PPP2R3A: variants seen among roughly 807,000 people sequenced by gnomAD.
The protein encoded by PPP2R3A is serine/threonine-protein phosphatase 2A regulatory subunit B'' subunit alpha.
PPP2R3A carries 80 observed loss-of-function variants against 106.9 expected under a neutral mutation model. The observed-to-expected ratio is 0.75, with a 90% CI of 0.62 to 0.90. The LOEUF (loss-of-function observed/expected upper bound fraction) is 0.90. PPP2R3A is among the 40% of genes least tolerant of loss of function. PPP2R3A has a pLI of 0.00. For missense variants in PPP2R3A, 1,386 were observed against 1,350.4 expected, an observed-to-expected ratio of 1.03 and a Z score of -0.41; for synonymous variants, 483 against 468.3, an observed-to-expected ratio of 1.03 and a Z score of -0.41.
rs1435791865 is a variant in PPP2R3A at position 136,078,399 on chromosome 3, A to G, written c.2577A>G (p.Arg859=). Residue 859 remains arginine, a synonymous_variant, in exon 7 of 14, where the codon AGA becomes AGG. Coordinates refer to ENST00000264977, the MANE Select transcript of PPP2R3A (RefSeq NM_002718.5). The part of the protein sequence containing the change: ...VIQRIFYTVN[R]SWSGKITSTE... ...AGAGAATATTCTACACAGTCAACAG[A>G]TCTTGGAGTGGAAAAATTACTTCGA... The G allele has an allele frequency of 6.2e-7, 1 of 1,610,914 alleles. No individual in the cohort carries two copies. The highest frequency in any genetic ancestry group is 8.5e-7 in the Non-Finnish European group (1 of 1,177,908).
At chr3:136,142,012 A>C (rs988433571) in intron 13 of PPP2R3A, among the ~76,000 whole-genome samples, 4 of 152,176 alleles carry the variant, frequency 2.6e-5, no homozygotes, top group African/African-American at 9.7e-5. Flanking sequence ...TGCTGTTCTG[A>C]AAGAGCCATC....
chr3:136,144,883 G>C (rs1939046091), intron 13 of PPP2R3A, among the ~76,000 whole-genome samples, 160 bp from the exon 14 acceptor site: 1 of 152,174 alleles, frequency 6.6e-6, no homozygotes, highest in Non-Finnish European at 1.5e-5. Context: ...TTCTGCTCTA[G>C]AGTGTTGCCT....
chr3:136,006,222 AT>A (rs1456106310), intron 2 of PPP2R3A, among the ~76,000 whole-genome samples: 1 of 152,232 alleles, frequency 6.6e-6, no homozygotes, highest in Non-Finnish European at 1.5e-5. Flanking sequence ...ACAGAATATA[AT>A]AAAATTTGAT....
chr3:136,132,160 T>C (rs1378284368), intron 13 of PPP2R3A, among the ~76,000 whole-genome samples: 1 of 151,256 alleles, frequency 6.6e-6, no homozygotes, highest in African/African-American at 2.4e-5. Context: ...ACTTTAAGTA[T>C]AATAAAAAAA....
At chr3:136,033,773 CTT>C (rs1553745822) in intron 3 of PPP2R3A, among the ~76,000 whole-genome samples, 1 of 151,984 alleles carries the variant, frequency 6.6e-6, no homozygotes, top group Non-Finnish European at 1.5e-5. Flanking sequence ...GATTTTCTCT[CTT>C]CTTTTCTTAG....
intron 1 of PPP2R3A, among the ~76,000 whole-genome samples, chr3:135,973,226 A>G (rs1487057965): frequency 6.6e-6 from 1 of 152,196 alleles, no homozygotes; most frequent in Non-Finnish European, 1.5e-5. Flanking sequence ...TTATTTGTAA[A>G]ATGAAAGTGA....
At chr3:136,015,667 G>A (rs552050840) in intron 2 of PPP2R3A, among the ~76,000 whole-genome samples, 1 of 150,982 alleles carries the variant, frequency 6.6e-6, no homozygotes, top group East Asian at 2.0e-4. Flanking sequence ...AATATTTCCT[G>A]TTTCATTTCT....
At position 136,027,038 on chromosome 3, in the gene PPP2R3A, T is replaced by C. The variant is rs755504225; in HGVS notation, c.2202T>C (p.Thr734=). 1.2e-6 allele frequency: 2 copies of C among 1,613,536 alleles called. No homozygotes were observed. Among genetic ancestry groups the C allele is most frequent in the African/African-American group, 2.7e-5 (2 of 74,910 alleles). Residue 734 remains threonine (T), a synonymous_variant, in exon 3 of 14, where the codon ACT becomes ACC. Transcript: ENST00000264977. The part of the protein sequence containing the change: ...NHEQTLSRIE[T]AFMDIEEQKA... Reference sequence around the variant, plus strand: ...AACAAACTCTAAGCAGAATTGAAACTGCTTTCATGGATATTGAAGAACAGA... The same window carrying C: ...AACAAACTCTAAGCAGAATTGAAACCGCTTTCATGGATATTGAAGAACAGA...
intron 5 of PPP2R3A, among the ~76,000 whole-genome samples, chr3:136,066,987 T>G (rs1936280342): frequency 6.6e-6 from 1 of 152,210 alleles, no homozygotes; most frequent in Non-Finnish European, 1.5e-5. Flanking sequence ...GCCAATATCT[T>G]ATTTAATGGG....
chr3:136,011,982 C>CACACACAT (rs908815872), intron 2 of PPP2R3A, among the ~76,000 whole-genome samples: 2 of 137,454 alleles, frequency 1.5e-5, no homozygotes, highest in African/African-American at 6.5e-5. Flanking sequence ...CATACACACA[C>CACACACAT]ACACACACAC....
Position 136,103,212 on chromosome 3 carries a change from A to G in PPP2R3A, c.3104-46A>G, listed in dbSNP as rs767317110. 17 of 1,367,958 alleles carry G rather than the reference A, an allele frequency of 1.2e-5. No individual in the cohort carries two copies. In the South Asian group the frequency reaches 2.1e-4, roughly 17 times the overall value. The allele number at this position is 1,367,958 out of a possible 1,614,324, so 84.7% of individuals were successfully genotyped here. ...CAGGGAAAGTTTTTTCCTCTTGCCA[A>G]AACAGCTCTTGATGAAATTTACCAG... On this transcript the variant is annotated intron_variant, in intron 11 of 13. Transcript: ENST00000264977.
At chr3:136,090,856 C>G (rs1937079081) in intron 10 of PPP2R3A, among the ~76,000 whole-genome samples, 189 bp downstream of exon 10, 2 of 152,188 alleles carry the variant, frequency 1.3e-5, no homozygotes, top group African/African-American at 2.4e-5. Flanking sequence ...CATGGCATAT[C>G]AAGAGAAGTG....
intron 10 of PPP2R3A, among the ~76,000 whole-genome samples, chr3:136,100,871 C>CT (rs1387073482): frequency 6.6e-6 from 1 of 152,060 alleles, no homozygotes; most frequent in Non-Finnish European, 1.5e-5. Context: ...CCACAAACCT[C>CT]TAATTCTATA....
chr3:136,001,536 A>T lies in PPP2R3A; in HGVS notation c.38A>T (p.Asn13Ile). The T allele has an allele frequency of 6.2e-7, 1 of 1,614,208 alleles. No individual in the cohort carries two copies. Among genetic ancestry groups the T allele is most frequent in the Non-Finnish European group, 8.5e-7 (1 of 1,180,026 alleles). ...ATYRLVVSTV[N>I]HYSSVVIDRR... ...TACAGACTTGTGGTTAGTACTGTGA[A>T]CCACTACAGCAGCGTGGTGATAGAC... The change falls in exon 2 of 14, where the codon AAC becomes ATC. Residue 13 changes from asparagine to isoleucine, a missense_variant. Physicochemically the swap from Asn to Ile is moderately radical, Grantham distance 149 (BLOSUM62 -3). Transcript: ENST00000264977.
intron 5 of PPP2R3A, among the ~76,000 whole-genome samples, chr3:136,061,164 GAGAA>G (rs1936062655): frequency 6.6e-6 from 1 of 152,158 alleles, no homozygotes; most frequent in Non-Finnish European, 1.5e-5. Flanking sequence ...ATCTTTCAGA[GAGAA>G]AGAGAGAGAG....
At chr3:136,049,390 T>A (rs67039922) in intron 5 of PPP2R3A, 29 bp downstream of exon 5, 448,648 of 1,526,030 alleles carry the variant, frequency 0.29, 70,817 homozygotes, top group Non-Finnish European at 0.32. Context: ...TGAAAATGGG[T>A]TCTAATTTTG....
At position 136,018,779 on chromosome 3, in the gene PPP2R3A, G is replaced by A. The variant is rs548906965; in HGVS notation, c.1996-8053G>A. ...ATATTTAGTTTTTAGGGTCATAGTG[G>A]AGAGGCCAGCTTCTCTTCCATATAA... On this transcript the variant is annotated intron_variant, in intron 2 of 13. Coordinates refer to ENST00000264977, the MANE Select transcript of PPP2R3A (RefSeq NM_002718.5). Among the ~76,000 whole-genome samples, 128 of 152,288 alleles carry A rather than the reference G, an allele frequency of 8.4e-4. 3 individuals carry two copies. The South Asian group carries it at 0.025, about 30-fold the overall frequency.
chr3:135,981,489 C>T (rs2107759804), intron 1 of PPP2R3A, among the ~76,000 whole-genome samples: 1 of 151,898 alleles, frequency 6.6e-6, no homozygotes, highest in Non-Finnish European at 1.5e-5. Context: ...CAAAAAGTGA[C>T]CTTTTTTTCT....
At chr3:136,067,317 AACAG>A (rs1355068010) in intron 5 of PPP2R3A, among the ~76,000 whole-genome samples, 1 of 152,262 alleles carries the variant, frequency 6.6e-6, no homozygotes, top group East Asian at 1.9e-4. Flanking sequence ...AATGGAAAGT[AACAG>A]ACAGGAAATA....
Sources: allele counts gnomAD v4.1 joint callset (sites outside exome capture counted in the v4.1 genomes callset), GRCh38; gene constraint gnomAD v4.1.1; transcripts MANE v1.5; gene names NCBI Gene and HGNC (gene_info 2026-07-23, HGNC 2026-07-21).